Variants in SAMD4A observed in about 807,000 individuals in gnomAD.
The protein encoded by SAMD4A is sterile alpha motif domain containing 4A.
In SAMD4A, 33 loss-of-function variants were observed where a neutral mutation model predicts 81.3. The ratio of observed to expected loss-of-function variants is 0.41; its 90% confidence interval spans 0.31 to 0.54. The LOEUF is 0.54. SAMD4A is among the 20% of genes least tolerant of loss of function. SAMD4A has a pLI of 0.37. For missense variants in SAMD4A, 854 were observed against 951.1 expected, an observed-to-expected ratio of 0.90 and a Z score of 1.34; for synonymous variants, 389 against 382.1, an observed-to-expected ratio of 1.02 and a Z score of -0.21.
intron 2 of SAMD4A, among the ~76,000 whole-genome samples, chr14:54,695,586 A>G (rs951220843): frequency 6.6e-6 from 1 of 152,258 alleles, no homozygotes; most frequent in Admixed American, 6.5e-5. Flanking sequence ...GGAGAAAAGC[A>G]CATAGGTGAA....
chr14:54,701,405 G>A (rs895613580), intron 2 of SAMD4A, among the ~76,000 whole-genome samples: 3 of 152,176 alleles, frequency 2.0e-5, no homozygotes, highest in African/African-American at 7.2e-5. Context: ...TCTACATAAA[G>A]CAAAACAGCA....
chr14:54,729,930 G>A (rs2037518769), intron 3 of SAMD4A, among the ~76,000 whole-genome samples: 1 of 152,124 alleles, frequency 6.6e-6, no homozygotes, highest in South Asian at 2.1e-4. Flanking sequence ...CATAAATAAT[G>A]ACAATGTAAA....
intron 2 of SAMD4A, among the ~76,000 whole-genome samples, chr14:54,649,482 C>T (rs1414952122): frequency 6.6e-6 from 1 of 152,174 alleles, no homozygotes; most frequent in African/African-American, 2.4e-5. Context: ...AAGAATCCCA[C>T]ACTTAGAGGC....
At chr14:54,586,214 TG>T (rs1247485914) in intron 2 of SAMD4A, among the ~76,000 whole-genome samples, 1 of 152,220 alleles carries the variant, frequency 6.6e-6, no homozygotes, top group Non-Finnish European at 1.5e-5. Flanking sequence ...ATATGCTTGT[TG>T]GCCATTTGTA....
At chr14:54,603,457 A>G (rs1040375253) in intron 2 of SAMD4A, among the ~76,000 whole-genome samples, 1 of 152,208 alleles carries the variant, frequency 6.6e-6, no homozygotes, top group Admixed American at 6.5e-5. Context: ...TTGCTTCAAG[A>G]TAGTAGGAAC....
chr14:54,695,538 A>G (rs2036552784), intron 2 of SAMD4A, among the ~76,000 whole-genome samples: 1 of 152,248 alleles, frequency 6.6e-6, no homozygotes, highest in Non-Finnish European at 1.5e-5. Context: ...CCTCCACTGC[A>G]CACTCTTGGT....
chr14:54,716,972 G>A (rs1299412308), intron 3 of SAMD4A, among the ~76,000 whole-genome samples: 1 of 152,148 alleles, frequency 6.6e-6, no homozygotes, highest in African/African-American at 2.4e-5. Flanking sequence ...TTGCTGAGGA[G>A]AGACATTGAC....
chr14:54,632,494 A>G (rs998500673), intron 2 of SAMD4A, among the ~76,000 whole-genome samples: 1 of 152,352 alleles, frequency 6.6e-6, no homozygotes, highest in Non-Finnish European at 1.5e-5. Flanking sequence ...TTTGCATAGA[A>G]GTATGCAAAC....
intron 3 of SAMD4A, among the ~76,000 whole-genome samples, chr14:54,710,329 T>C (rs2036958045): frequency 6.6e-6 from 1 of 152,180 alleles, no homozygotes; most frequent in African/African-American, 2.4e-5. Context: ...GTTTACTATA[T>C]ATTGGGTACT....
intron 4 of SAMD4A, among the ~76,000 whole-genome samples, chr14:54,739,055 CTTTTTT>C (rs3051648): frequency 1.0e-5 from 1 of 97,346 alleles, no homozygotes; most frequent in African/African-American, 4.8e-5. Flanking sequence ...CTTTCCTTTT[CTTTTTT>C]TTTTTTTTTT....
intron 3 of SAMD4A, chr14:54,703,654 G>A (rs2036777175): frequency 1.3e-5 from 2 of 152,104 alleles, no homozygotes; most frequent in Admixed American, 1.3e-4. Flanking sequence ...GATCACTTGA[G>A]GTCAGGAATT....
chr14:54,646,489 T>A (rs1305872918), intron 2 of SAMD4A, among the ~76,000 whole-genome samples: 2 of 152,266 alleles, frequency 1.3e-5, no homozygotes, highest in Admixed American at 6.5e-5. Flanking sequence ...CACGTGATAC[T>A]GCTGCCATTG....
chr14:54,746,320 G>T (rs916354574), intron 4 of SAMD4A, among the ~76,000 whole-genome samples: 1 of 152,148 alleles, frequency 6.6e-6, no homozygotes, highest in Non-Finnish European at 1.5e-5. Context: ...AACAGTGTCC[G>T]TGCGTACCTG....
At chr14:54,693,775 G>A (rs1454998102) in intron 2 of SAMD4A, 1 of 152,182 alleles carries the variant, frequency 6.6e-6, no homozygotes, top group Non-Finnish European at 1.5e-5. Context: ...TAATGGAGAG[G>A]GGCCAGAAAT....
At chr14:54,617,962 T>A (rs1427695112) in intron 2 of SAMD4A, among the ~76,000 whole-genome samples, 22 of 152,172 alleles carry the variant, frequency 1.4e-4, no homozygotes, top group Non-Finnish European at 1.5e-5. Context: ...TGGCCCTGAG[T>A]TATTGGAGAA....
chr14:54,781,807 A>C (rs2039005908), intron 11 of SAMD4A, among the ~76,000 whole-genome samples: 1 of 152,218 alleles, frequency 6.6e-6, no homozygotes. Flanking sequence ...CATACAGCTG[A>C]GGGTTCCTAG....
At chr14:54,759,381 G>T (rs546624134) in intron 6 of SAMD4A, among the ~76,000 whole-genome samples, 2 of 152,250 alleles carry the variant, frequency 1.3e-5, no homozygotes, top group East Asian at 3.9e-4. Flanking sequence ...CAGAGCCTTT[G>T]CCCTTGCTGT....
intron 12 of SAMD4A, among the ~76,000 whole-genome samples, chr14:54,788,459 A>G (rs561731333): frequency 6.6e-6 from 1 of 152,044 alleles, no homozygotes; most frequent in Non-Finnish European, 1.5e-5. Flanking sequence ...CTATGCATGC[A>G]CCGCACACCA....
chr14:54,664,554 A>G (rs2035714953), intron 2 of SAMD4A, among the ~76,000 whole-genome samples: 1 of 151,672 alleles, frequency 6.6e-6, no homozygotes, highest in Non-Finnish European at 1.5e-5. Context: ...CTTTCTCACA[A>G]ATGCACTTCC....
Sources: gnomAD v4.1 joint callset for allele counts (sites outside exome capture counted in the v4.1 genomes callset) on GRCh38, gnomAD v4.1.1 for gene constraint, MANE v1.5 for transcripts, NCBI Gene and HGNC (gene_info 2026-07-23, HGNC 2026-07-21) for gene names.